The following SPDYA variants were observed in gnomAD, a reference collection of about 807,000 sequenced individuals.
SPDYA encodes speedy protein A.
In SPDYA, 11 loss-of-function variants were observed where a neutral mutation model predicts 36.7. The observed-to-expected ratio is 0.30, with a 90% CI of 0.19 to 0.50. The LOEUF (loss-of-function observed/expected upper bound fraction) is 0.50, where lower values mean the gene tolerates loss of function less well. Ranked by LOEUF, SPDYA falls within the 20% of genes least tolerant of loss-of-function variation. The pLI, the probability that SPDYA is intolerant of heterozygous loss-of-function variation, is 0.98. For synonymous variants in SPDYA, 115 were observed against 118.7 expected, an observed-to-expected ratio of 0.97 and a Z score of 0.20; for missense variants, 287 against 370.9, an observed-to-expected ratio of 0.77 and a Z score of 1.86.
chr2:28,821,414 C>G (rs62131971), intron 4 of SPDYA, among the ~76,000 whole-genome samples: 66,178 of 151,270 alleles, frequency 0.44, 15,055 homozygotes, highest in Middle Eastern at 0.53. Context: ...TATTGGCCAG[C>G]CTGGTCTTGA....
At chr2:28,832,314 C>A (rs1000547338) in intron 6 of SPDYA, among the ~76,000 whole-genome samples, 12 of 152,326 alleles carry the variant, frequency 7.9e-5, no homozygotes, top group Middle Eastern at 3.4e-3. Flanking sequence ...GAAACACTGT[C>A]TTCACTTGGT....
intron 3 of SPDYA, among the ~76,000 whole-genome samples, chr2:28,818,467 A>C (rs1354887062): frequency 1.3e-5 from 2 of 149,516 alleles, no homozygotes; most frequent in African/African-American, 2.5e-5. Flanking sequence ...AAAAAGAGAA[A>C]GAGAGAAAGG....
In SPDYA at chr2:28,815,022, C is replaced by G. The variant is rs114786256; in HGVS notation, c.-19+336C>G. ...ACAGGCCAGGCATGATGGCTCAAGC[C>G]CATAATTCCCACACTTTGGGAAGCT... On this transcript the variant is annotated intron_variant, in intron 2 of 7. Transcript: ENST00000334056. Among the ~76,000 whole-genome samples, 1,063 of 152,130 alleles carry G rather than the reference C, an allele frequency of 7.0e-3. 8 individuals carry two copies. Among genetic ancestry groups the G allele is most frequent in the African/African-American group, 0.024 (1,010 of 41,484 alleles).
intron 7 of SPDYA, among the ~76,000 whole-genome samples, chr2:28,844,180 T>A (rs1668817293): frequency 6.6e-6 from 1 of 152,220 alleles, no homozygotes; most frequent in South Asian, 2.1e-4. Flanking sequence ...TATAAGTTAA[T>A]AATGTGATAA....
At chr2:28,821,726 A>G (rs1164711769) in intron 4 of SPDYA, among the ~76,000 whole-genome samples, 2 of 152,192 alleles carry the variant, frequency 1.3e-5, no homozygotes, top group Non-Finnish European at 2.9e-5. Context: ...ACTTGTTTTT[A>G]ATTTGAACAG....
chr2:28,848,555 T>A (rs1211910406), intron 7 of SPDYA, among the ~76,000 whole-genome samples: 1 of 152,258 alleles, frequency 6.6e-6, no homozygotes, highest in African/African-American at 2.4e-5. Flanking sequence ...GTTTTACATC[T>A]GTGTGATTAA....
intron 6 of SPDYA, among the ~76,000 whole-genome samples, chr2:28,835,335 C>T (rs939357531): frequency 1.3e-5 from 2 of 152,000 alleles, no homozygotes; most frequent in African/African-American, 4.8e-5. Flanking sequence ...AAGCGATTCT[C>T]CTGCCTCGGC....
In SPDYA at chr2:28,829,317, G is replaced by A; in HGVS notation, c.550G>A (p.Glu184Lys). 6.2e-7 allele frequency: 1 copy of A among 1,602,446 alleles called. No homozygotes were observed. Among genetic ancestry groups the A allele is most frequent in the Non-Finnish European group, 8.5e-7 (1 of 1,177,542 alleles). ...RAIVSRRCCE[E>K]VMAIAPTHYI... is the part of the protein sequence containing the mutation. ...TATTGTAAGCAGGCGATGTTGTGAG[G>A]AGGTAAGAATTTTAAAATGCTTTAT... Residue 184 changes from glutamate (E) to lysine (K), a missense_variant and splice_region_variant, in exon 6 of 8, where the codon GAG (glutamate) becomes AAG (lysine). Glu to Lys is a moderately conservative substitution (Grantham distance 56). Transcript: ENST00000334056.
chr2:28,826,729 C>T (rs1668333320), intron 5 of SPDYA, among the ~76,000 whole-genome samples: 1 of 148,658 alleles, frequency 6.7e-6, no homozygotes, highest in Non-Finnish European at 1.5e-5. Context: ...ATCCTCCCAC[C>T]TCAATCTCCC....
At chr2:28,822,215 C>T (rs1668186406) in intron 4 of SPDYA, 110 bp from the exon 5 acceptor site, 2 of 488,194 alleles carry the variant, frequency 4.1e-6, no homozygotes, top group South Asian at 7.9e-5. Context: ...ATAAGTAACA[C>T]TTTATTGTTT....
intron 7 of SPDYA, among the ~76,000 whole-genome samples, chr2:28,841,539 T>C (rs1035098785): frequency 1.3e-5 from 2 of 152,186 alleles, no homozygotes; most frequent in African/African-American, 4.8e-5. Context: ...AGATTTTTCA[T>C]GGTCCTTTCT....
At chr2:28,828,882 T>TA (rs1248458241) in intron 5 of SPDYA, among the ~76,000 whole-genome samples, 2 of 152,110 alleles carry the variant, frequency 1.3e-5, no homozygotes, top group African/African-American at 4.8e-5. Flanking sequence ...AAAAAAATCA[T>TA]AAAAGCAACA....
Position 28,836,846 on chromosome 2 carries a change from G to A in SPDYA, c.553-3326G>A, listed in dbSNP as rs537902705. ...CTTATCAACAACTCCTTTAAGGTGG[G>A]ATTTATTTACATTGGTGATGGCTTA... On this transcript the variant is annotated intron_variant, in intron 6 of 7. Transcript: ENST00000334056. Among the ~76,000 whole-genome samples, 4 of 152,254 alleles carry A rather than the reference G, an allele frequency of 2.6e-5. No individual in the cohort carries two copies. In the East Asian group the frequency reaches 7.7e-4, roughly 29 times the overall value.
chr2:28,830,533 C>T (rs944298812), intron 6 of SPDYA, among the ~76,000 whole-genome samples: 2 of 152,004 alleles, frequency 1.3e-5, no homozygotes, highest in Non-Finnish European at 2.9e-5. Flanking sequence ...TAGTGTATTT[C>T]TTCTGTCTAA....
chr2:28,850,255 A>G lies in SPDYA; in HGVS notation c.*314A>G. 2 of 1,610,342 alleles carry G rather than the reference A, an allele frequency of 1.2e-6. No homozygotes were observed. The highest frequency in any genetic ancestry group is 1.7e-6 in the Non-Finnish European group (2 of 1,177,832). On this transcript the variant is annotated 3_prime_UTR_variant, in exon 8 of 8. Coordinates refer to ENST00000334056, the MANE Select transcript of SPDYA (RefSeq NM_182756.4). ...TTGACAAGAAAAGCTAATTTAAGAGAAGAAAAACATAAAGTCATTATATTA... is the reference window on the plus strand; with the variant it reads ...TTGACAAGAAAAGCTAATTTAAGAGGAGAAAAACATAAAGTCATTATATTA...
chr2:28,821,367 T>C (rs963413394), intron 4 of SPDYA, among the ~76,000 whole-genome samples: 1 of 151,878 alleles, frequency 6.6e-6, no homozygotes, highest in Admixed American at 6.6e-5. Context: ...GCCCGGCTAA[T>C]TTTTCTGTAT....
intron 5 of SPDYA, 109 bp from the exon 6 acceptor site, chr2:28,829,039 T>C (rs1346690310): frequency 2.7e-5 from 23 of 858,160 alleles, no homozygotes; most frequent in Non-Finnish European, 3.9e-5. Context: ...TTAATTAACG[T>C]TGAACACCTT....
intron 6 of SPDYA, among the ~76,000 whole-genome samples, chr2:28,837,529 G>A (rs1668634016): frequency 6.6e-6 from 1 of 152,126 alleles, no homozygotes; most frequent in East Asian, 1.9e-4. Flanking sequence ...GAGATTCAAG[G>A]TCAAAGTAAT....
rs773074201 is a variant in SPDYA, at chr2:28,819,006, TTC to T, written c.236-40_236-39del. 4.8e-6 allele frequency: 7 copies of T among 1,450,682 alleles called. No individual in the cohort carries two copies. The African/African-American group carries it at 8.4e-5, about 17-fold the overall frequency. The allele number at this position is 1,450,682 out of a possible 1,614,324, so 89.9% of individuals were successfully genotyped here. On this transcript the variant is annotated intron_variant, in intron 3 of 7. Coordinates refer to ENST00000334056, the MANE Select transcript of SPDYA (RefSeq NM_182756.4). Reference sequence around the variant, plus strand: ...GAAATTAATTCTTCAAAAGGAAACATTCTGTTTTTAAAAGACAAGTTATAGCT... The same window carrying T: ...GAAATTAATTCTTCAAAAGGAAACATTGTTTTTAAAAGACAAGTTATAGCT...
Sources: allele counts gnomAD v4.1 joint callset (sites outside exome capture counted in the v4.1 genomes callset), GRCh38; gene constraint gnomAD v4.1.1; transcripts MANE v1.5; gene names NCBI Gene and HGNC (gene_info 2026-07-23, HGNC 2026-07-21).